The following PDE3A variants were observed in gnomAD, a reference collection of about 807,000 sequenced individuals.
The protein encoded by PDE3A is phosphodiesterase 3A.
PDE3A carries 43 observed loss-of-function variants against 98.3 expected under a neutral mutation model. The ratio of observed to expected loss-of-function variants is 0.44; its 90% CI spans 0.34 to 0.56. The LOEUF is 0.56. PDE3A is among the 20% of genes least tolerant of loss of function. The pLI is 0.01. For missense variants in PDE3A, 1,427 were observed against 1,440.7 expected (o/e 0.99, Z 0.15); for synonymous variants, 663 against 567.9 (o/e 1.17, Z -2.38).
chr12:20,555,589 A>G lies in PDE3A; in HGVS notation c.961-1071A>G, dbSNP rs559375072. Among the ~76,000 whole-genome samples the G allele has an allele frequency of 2.3e-4, 35 of 152,296 alleles. No homozygotes were observed. The South Asian group carries it at 4.1e-3, about 18-fold the overall frequency. On this transcript the variant is annotated intron_variant, in intron 1 of 15. Coordinates refer to ENST00000359062, the MANE Select transcript of PDE3A (RefSeq NM_000921.5). Reference sequence around the variant, plus strand: ...TGATTATATATGTTTATACTCTCCAATGAAATTTATATTCTTTCAAAATTA... The same window carrying G: ...TGATTATATATGTTTATACTCTCCAGTGAAATTTATATTCTTTCAAAATTA...
chr12:20,378,155 A>G (rs1339502658), intron 1 of PDE3A, among the ~76,000 whole-genome samples: 1 of 151,692 alleles, frequency 6.6e-6, no homozygotes, highest in Non-Finnish European at 1.5e-5. Flanking sequence ...GGAGATTTTG[A>G]TAGTGTGGAA....
chr12:20,474,237 C>A (rs1945488483), intron 1 of PDE3A, among the ~76,000 whole-genome samples: 1 of 152,214 alleles, frequency 6.6e-6, no homozygotes, highest in Admixed American at 6.5e-5. Context: ...AGGAGTCATT[C>A]TTGAAATGCC....
intron 1 of PDE3A, chr12:20,553,149 T>A (rs1166404749): frequency 7.1e-6 from 6 of 845,672 alleles, no homozygotes; most frequent in African/African-American, 1.7e-5. Flanking sequence ...GTCTTCCTTT[T>A]TTTTTTTTTA....
intron 7 of PDE3A, 115 bp from the exon 8 acceptor site, chr12:20,634,787 A>T (rs979466254): frequency 1.2e-5 from 9 of 725,644 alleles, no homozygotes; most frequent in Admixed American, 4.4e-5. Flanking sequence ...GTGCTCAGGA[A>T]AGCAGTATTT....
intron 1 of PDE3A, among the ~76,000 whole-genome samples, chr12:20,495,101 C>G (rs1945896824): frequency 6.6e-6 from 1 of 152,034 alleles, no homozygotes; most frequent in Admixed American, 6.6e-5. Context: ...AGAGAATGTT[C>G]CATGAATTTT....
chr12:20,467,963 AAAAAAAAAAAAAAAAAAG>A, intron 1 of PDE3A, among the ~76,000 whole-genome samples: 1 of 138,488 alleles, frequency 7.2e-6, no homozygotes, highest in Non-Finnish European at 1.6e-5. Flanking sequence ...AAAAAAAAAA[AAAAAAAAAAAAAAAAAAG>A]AGTTGCTTAA....
intron 2 of PDE3A, among the ~76,000 whole-genome samples, chr12:20,571,375 T>C (rs1942798772): frequency 6.6e-6 from 1 of 152,170 alleles, no homozygotes; most frequent in African/African-American, 2.4e-5. Context: ...AATAATATTG[T>C]AAACTCTAAG....
intron 8 of PDE3A, among the ~76,000 whole-genome samples, chr12:20,636,783 TTGCAGTAG>T (rs1944524320): frequency 6.6e-6 from 1 of 152,200 alleles, no homozygotes; most frequent in South Asian, 2.1e-4. Context: ...TTTAAGAACC[TTGCAGTAG>T]TCCCAAAGTA....
chr12:20,561,867 G>A (rs1020859493), intron 2 of PDE3A, among the ~76,000 whole-genome samples: 2 of 152,000 alleles, frequency 1.3e-5, no homozygotes, highest in African/African-American at 4.8e-5. Flanking sequence ...CTTTTTAGAC[G>A]CAGCAAGAAT....
At chr12:20,597,454 C>T (rs1442814384) in intron 2 of PDE3A, among the ~76,000 whole-genome samples, 1 of 152,004 alleles carries the variant, frequency 6.6e-6, no homozygotes, top group Non-Finnish European at 1.5e-5. Flanking sequence ...TGTCTTTCAC[C>T]CTTCTCACAA....
At position 20,680,019 on chromosome 12, in the gene PDE3A, AT is replaced by A; in HGVS notation, c.3185-8del. Reference sequence around the variant, plus strand: ...AGTCTGATTTGGTGTTTTTTATTTTATTTATTTTAGAAAAGAAGACTTTCAA... The same window carrying A: ...AGTCTGATTTGGTGTTTTTTATTTTATTATTTTAGAAAAGAAGACTTTCAA... On this transcript the variant is annotated splice_polypyrimidine_tract_variant and intron_variant, in intron 15 of 15. Coordinates refer to ENST00000359062, the MANE Select transcript of PDE3A (RefSeq NM_000921.5). The A allele has an allele frequency of 6.3e-7, 1 of 1,576,824 alleles. No individual in the cohort carries two copies. The highest frequency in any genetic ancestry group is 8.7e-7 in the Non-Finnish European group (1 of 1,155,596).
At chr12:20,381,372 C>A (rs1346609452) in intron 1 of PDE3A, among the ~76,000 whole-genome samples, 1 of 151,810 alleles carries the variant, frequency 6.6e-6, no homozygotes, top group African/African-American at 2.4e-5. Context: ...ACAAAGAAGA[C>A]TAGATCAAAA....
chr12:20,667,761 G>T (rs1945354551), intron 15 of PDE3A, among the ~76,000 whole-genome samples: 1 of 152,086 alleles, frequency 6.6e-6, no homozygotes, highest in Admixed American at 6.5e-5. Flanking sequence ...GCTCTTTTTT[G>T]GTTCCATAGA....
intron 1 of PDE3A, 27 bp downstream of exon 1, chr12:20,370,271 C>T (rs1199434290): frequency 3.4e-6 from 5 of 1,490,024 alleles, no homozygotes; most frequent in Non-Finnish European, 4.5e-6. Context: ...CCTCTCTCGG[C>T]TCTTGGAAAC....
chr12:20,551,251 G>A, intron 1 of PDE3A, among the ~76,000 whole-genome samples: 1 of 151,678 alleles, frequency 6.6e-6, no homozygotes, highest in East Asian at 1.9e-4. Context: ...CTAGGGTTGG[G>A]ATTCTTTCAA....
intron 1 of PDE3A, among the ~76,000 whole-genome samples, chr12:20,381,720 A>T (rs944260503): frequency 1.3e-5 from 2 of 151,938 alleles, no homozygotes; most frequent in African/African-American, 2.4e-5. Flanking sequence ...TAGCAATCTT[A>T]TGTGAACTTT....
intron 2 of PDE3A, among the ~76,000 whole-genome samples, chr12:20,594,532 CT>C (rs747101272): frequency 1.6e-3 from 213 of 134,002 alleles, no homozygotes; most frequent in Middle Eastern, 4.0e-3. Flanking sequence ...TAATTAGGGG[CT>C]TTTTTTTTTT....
intron 1 of PDE3A, among the ~76,000 whole-genome samples, chr12:20,448,363 C>T (rs1944996958): frequency 6.6e-6 from 1 of 152,106 alleles, no homozygotes; most frequent in Non-Finnish European, 1.5e-5. Flanking sequence ...ATCGATTGAA[C>T]CCGGGAGGCG....
intron 7 of PDE3A, 75 bp from the exon 8 acceptor site, chr12:20,634,827 T>G (rs570178772): frequency 2.0e-6 from 2 of 1,019,420 alleles, no homozygotes; most frequent in Admixed American, 1.8e-5. Context: ...CATATGCATC[T>G]TAGCAAAATT....
Sources: gnomAD v4.1 joint callset for allele counts (sites outside exome capture counted in the v4.1 genomes callset) on GRCh38, gnomAD v4.1.1 for gene constraint, MANE v1.5 for transcripts, NCBI Gene and HGNC (gene_info 2026-07-23, HGNC 2026-07-21) for gene names.